Variants in NDST4 observed in about 807,000 individuals in gnomAD.
NDST4 encodes the protein N-heparan sulfate sulfotransferase 4.
In NDST4, 63 loss-of-function variants were observed where a neutral mutation model predicts 100.8. The observed-to-expected ratio is 0.62, with a 90% confidence interval of 0.51 to 0.77. NDST4 has a LOEUF of 0.77. Ranked by LOEUF, NDST4 falls within the 30% of genes least tolerant of loss-of-function variation. NDST4 has a pLI of 0.00. For missense variants in NDST4, 943 were observed against 1,018.4 expected (o/e 0.93, Z 1.01); for synonymous variants, 377 against 361.8 (o/e 1.04, Z -0.48).
At chr4:115,044,234 A>G (rs1013553237) in intron 2 of NDST4, among the ~76,000 whole-genome samples, 30 of 152,252 alleles carry the variant, frequency 2.0e-4, no homozygotes, top group South Asian at 1.2e-3. Context: ...TTGCCACTGA[A>G]ACGCCTAAGA....
chr4:114,890,311 C>T (rs565854555), intron 6 of NDST4, among the ~76,000 whole-genome samples: 2 of 151,718 alleles, frequency 1.3e-5, no homozygotes, highest in Non-Finnish European at 2.9e-5. Context: ...ATCACGATGA[C>T]TATAAGTAAA....
At chr4:115,109,866 G>T (rs1306737066) in intron 1 of NDST4, among the ~76,000 whole-genome samples, 1 of 151,658 alleles carries the variant, frequency 6.6e-6, no homozygotes, top group Admixed American at 6.6e-5. Context: ...GAATACTGAT[G>T]AATATAGACA....
intron 2 of NDST4, among the ~76,000 whole-genome samples, chr4:115,071,210 C>A (rs1729070095): frequency 1.3e-5 from 2 of 151,884 alleles, no homozygotes; most frequent in African/African-American, 2.4e-5. Context: ...AGTATTTACT[C>A]TTTAACAGTA....
intron 2 of NDST4, among the ~76,000 whole-genome samples, chr4:115,003,314 T>C (rs1727338965): frequency 6.6e-6 from 1 of 152,182 alleles, no homozygotes; most frequent in Non-Finnish European, 1.5e-5. Context: ...TGGCTACTAC[T>C]GGCCATAGGA....
chr4:115,024,380 G>A (rs1206961239), intron 2 of NDST4, among the ~76,000 whole-genome samples: 1 of 152,156 alleles, frequency 6.6e-6, no homozygotes, highest in Non-Finnish European at 1.5e-5. Flanking sequence ...GGGGCTGCCT[G>A]AGGCCTTGGG....
chr4:115,038,555 C>T (rs1436320934), intron 2 of NDST4, among the ~76,000 whole-genome samples: 2 of 152,106 alleles, frequency 1.3e-5, no homozygotes, highest in African/African-American at 2.4e-5. Flanking sequence ...CCTGAGGTAC[C>T]CTATCTCTAA....
chr4:114,947,946 G>T (rs1024326334), intron 4 of NDST4, among the ~76,000 whole-genome samples: 2 of 151,976 alleles, frequency 1.3e-5, no homozygotes, highest in Non-Finnish European at 2.9e-5. Flanking sequence ...GTGGAAGAGG[G>T]CTAAATGTCC....
chr4:114,833,821 T>C (rs541600121), intron 11 of NDST4, 106 bp from the exon 12 acceptor site: 8 of 658,316 alleles, frequency 1.2e-5, no homozygotes, highest in East Asian at 5.6e-5. Flanking sequence ...TCAGTGTGAA[T>C]AGGAAGCAAA....
intron 1 of NDST4, among the ~76,000 whole-genome samples, chr4:115,092,210 T>C (rs533347615): frequency 1.6e-3 from 236 of 152,168 alleles, no homozygotes; most frequent in African/African-American, 5.4e-3. Flanking sequence ...TGGATGTAGG[T>C]GAAGACCCCC....
At chr4:115,095,572 A>G (rs562528854) in intron 1 of NDST4, among the ~76,000 whole-genome samples, 1 of 152,204 alleles carries the variant, frequency 6.6e-6, no homozygotes, top group East Asian at 1.9e-4. Flanking sequence ...CTAACTTTTC[A>G]TCTTATCAAA....
At chr4:115,056,929 A>G (rs1197210567) in intron 2 of NDST4, among the ~76,000 whole-genome samples, 1 of 152,160 alleles carries the variant, frequency 6.6e-6, no homozygotes, top group Non-Finnish European at 1.5e-5. Flanking sequence ...AACAACAGTA[A>G]TAACAAATTT....
intron 1 of NDST4, among the ~76,000 whole-genome samples, chr4:115,081,099 T>TGA (rs562713325): frequency 6.7e-6 from 1 of 148,862 alleles, no homozygotes; most frequent in South Asian, 2.1e-4. Context: ...AAAAATAAAT[T>TGA]AAAAAAAAAA....
intron 10 of NDST4, among the ~76,000 whole-genome samples, chr4:114,841,267 T>C (rs1723417711): frequency 6.6e-6 from 1 of 152,208 alleles, no homozygotes; most frequent in Non-Finnish European, 1.5e-5. Context: ...AGGTCCGTTA[T>C]AAAAATGTGG....
chr4:114,893,225 G>C (rs1265664313), intron 6 of NDST4, among the ~76,000 whole-genome samples: 1 of 151,976 alleles, frequency 6.6e-6, no homozygotes, highest in East Asian at 1.9e-4. Context: ...GTGTCCTTAT[G>C]ATAGAATGAT....
Position 115,029,412 on chromosome 4 carries a change from G to A in NDST4, c.978+46647C>T, listed in dbSNP as rs115630542. ...GACTCTTCTTCCTCTCTCATTTTAG[G>A]GAATAGATTTATGATTTGCTGACTA... On this transcript the variant is annotated intron_variant, in intron 2 of 13. Coordinates refer to ENST00000264363, the MANE Select transcript of NDST4 (RefSeq NM_022569.3). Among the ~76,000 whole-genome samples, 712 of 152,134 alleles carry A rather than the reference G, an allele frequency of 4.7e-3. 6 individuals are homozygous for A. Among genetic ancestry groups the A allele is most frequent in the African/African-American group, 0.016 (680 of 41,532 alleles).
chr4:115,052,510 G>A (rs1013005247), intron 2 of NDST4, among the ~76,000 whole-genome samples: 1 of 151,998 alleles, frequency 6.6e-6, no homozygotes, highest in South Asian at 2.1e-4. Flanking sequence ...TCATGGGGGC[G>A]AGTCTTCCCC....
chr4:114,929,113 C>CATCCATCCATCCATCTATCTATCT (rs1578395038), intron 6 of NDST4, among the ~76,000 whole-genome samples: 4 of 117,392 alleles, frequency 3.4e-5, no homozygotes, highest in African/African-American at 6.2e-5. Flanking sequence ...TCCATCCATC[C>CATCCATCCATCCATCTATCTATCT]ATCTATCTAT....
chr4:114,858,834 G>T (rs1723857151), intron 7 of NDST4, among the ~76,000 whole-genome samples: 2 of 152,152 alleles, frequency 1.3e-5, no homozygotes, highest in South Asian at 4.1e-4. Flanking sequence ...GACATGGGAA[G>T]GGGCTCACCA....
At chr4:114,997,745 A>G (rs1727196513) in intron 2 of NDST4, among the ~76,000 whole-genome samples, 1 of 152,048 alleles carries the variant, frequency 6.6e-6, no homozygotes, top group Non-Finnish European at 1.5e-5. Flanking sequence ...TAATGCATTG[A>G]AGTGAATACT....
Sources: gnomAD v4.1 joint callset for allele counts (sites outside exome capture counted in the v4.1 genomes callset) on GRCh38, gnomAD v4.1.1 for gene constraint, MANE v1.5 for transcripts, NCBI Gene and HGNC (gene_info 2026-07-23, HGNC 2026-07-21) for gene names.